OCA2: variants seen among roughly 807,000 people sequenced by gnomAD.
OCA2 encodes P protein.
OCA2 carries 77 observed loss-of-function variants against 100.2 expected under a neutral mutation model. The ratio of observed to expected loss-of-function variants is 0.77; its 90% CI spans 0.64 to 0.93. The LOEUF (loss-of-function observed/expected upper bound fraction) is 0.93, where lower values mean the gene tolerates loss of function less well. Ranked by LOEUF, OCA2 falls within the 40% of genes least tolerant of loss-of-function variation. The pLI is 0.00. For missense variants in OCA2, 1,062 were observed against 1,089.1 expected (o/e 0.98, Z 0.35); for synonymous variants, 432 against 439.2 (o/e 0.98, Z 0.21).
In OCA2 at chr15:28,015,199, C is replaced by T. The variant is rs1017288083; in HGVS notation, c.891-270G>A. ...AGTGAGTAGGGGCCTGCACAGAAGA[C>T]GCCAGCCATTGAACTGGCTCTTCCT... On this transcript the variant is annotated intron_variant, in intron 8 of 23. Transcript: ENST00000354638. Among the ~76,000 whole-genome samples the T allele has an allele frequency of 8.5e-5, 13 of 152,140 alleles. No homozygotes were observed. The South Asian group carries it at 1.2e-3, about 15-fold the overall frequency.
At chr15:27,759,986 T>A (rs1290114882) in intron 23 of OCA2, among the ~76,000 whole-genome samples, 2 of 152,066 alleles carry the variant, frequency 1.3e-5, no homozygotes, top group Non-Finnish European at 2.9e-5. Flanking sequence ...TTAAAAGAAT[T>A]AAAATTATAC....
At chr15:27,954,728 C>T (rs1296517042) in intron 17 of OCA2, among the ~76,000 whole-genome samples, 5 of 152,108 alleles carry the variant, frequency 3.3e-5, no homozygotes, top group African/African-American at 1.2e-4. Flanking sequence ...AAAACAAGCT[C>T]TGCCCCAGGA....
At chr15:28,026,397 A>G (rs1435011251) in intron 4 of OCA2, among the ~76,000 whole-genome samples, 1 of 152,206 alleles carries the variant, frequency 6.6e-6, no homozygotes, top group Non-Finnish European at 1.5e-5. Flanking sequence ...TTGTTGACCC[A>G]TGGCGCCAGA....
chr15:28,006,150 C>A (rs915873815), intron 9 of OCA2, among the ~76,000 whole-genome samples: 1 of 152,102 alleles, frequency 6.6e-6, no homozygotes, highest in African/African-American at 2.4e-5. Flanking sequence ...CAGGGCTGGC[C>A]CCTCCGCACA....
chr15:28,096,142 C>T (rs1428953340), intron 1 of OCA2, among the ~76,000 whole-genome samples: 2 of 150,440 alleles, frequency 1.3e-5, no homozygotes, highest in Admixed American at 6.6e-5. Context: ...GTGGTCGTGT[C>T]TCCGGGAGGT....
intron 2 of OCA2, among the ~76,000 whole-genome samples, chr15:28,051,279 T>C (rs6497254): frequency 0.44 from 67,468 of 152,164 alleles, 21,302 homozygotes; most frequent in East Asian, 0.89. Context: ...GACATTTCCC[T>C]TTATGGTTTT....
rs2040385566 is a variant in OCA2 at position 27,960,819 on chromosome 15, G to C, written c.1637-3084C>G. On this transcript the variant is annotated intron_variant, in intron 15 of 23. Coordinates refer to ENST00000354638, the MANE Select transcript of OCA2 (RefSeq NM_000275.3). ...CTTGGAAGACTAAGGTAGGAGAATT[G>C]CTTGAACCCAGGAGGTGGAGGTTGC... Among the ~76,000 whole-genome samples the C allele has an allele frequency of 3.3e-5, 5 of 150,982 alleles. No individual in the cohort carries two copies. In the South Asian group the frequency reaches 1.0e-3, roughly 32 times the overall value.
intron 2 of OCA2, among the ~76,000 whole-genome samples, chr15:28,058,988 G>T (rs899408515): frequency 3.3e-5 from 5 of 152,194 alleles, no homozygotes; most frequent in Non-Finnish European, 7.3e-5. Context: ...TGGATGAAGG[G>T]GCACATTCCC....
intron 23 of OCA2, among the ~76,000 whole-genome samples, chr15:27,836,672 C>T (rs968815510): frequency 2.6e-5 from 4 of 152,182 alleles, no homozygotes; most frequent in African/African-American, 9.7e-5. Context: ...GTCTGCCTGG[C>T]TACCCTTGAA....
At chr15:27,836,358 G>A (rs947348336) in intron 23 of OCA2, among the ~76,000 whole-genome samples, 6 of 152,124 alleles carry the variant, frequency 3.9e-5, no homozygotes, top group African/African-American at 1.4e-4. Flanking sequence ...GATGAGAGCT[G>A]CAAGAAAAAT....
At chr15:27,732,352 G>A in the OCA2 span, among the ~76,000 whole-genome samples, 11,319 of 152,156 alleles carry the variant, frequency 0.074, 911 homozygotes, top group African/African-American at 0.21. Context: ...TGGAGGGCCC[G>A]GAGACATGGA....
chr15:27,810,733 G>A (rs149977483), intron 23 of OCA2, among the ~76,000 whole-genome samples: 3,244 of 152,074 alleles, frequency 0.021, 44 homozygotes, highest in Non-Finnish European at 0.03. Flanking sequence ...AGAATTCTCC[G>A]AATAAGATAT....
At chr15:27,776,182 C>T (rs2151068302) in intron 23 of OCA2, among the ~76,000 whole-genome samples, 1 of 152,356 alleles carries the variant, frequency 6.6e-6, no homozygotes, top group East Asian at 1.9e-4. Flanking sequence ...TTCTCCCTGG[C>T]TTGCTGCGGT....
intron 23 of OCA2, among the ~76,000 whole-genome samples, chr15:27,828,463 A>G (rs1464190153): frequency 6.6e-6 from 1 of 152,160 alleles, no homozygotes; most frequent in African/African-American, 2.4e-5. Context: ...TGCACTCCTC[A>G]CTTTTATGTT....
intron 19 of OCA2, among the ~76,000 whole-genome samples, chr15:27,884,715 T>C (rs546212961): frequency 1.6e-3 from 246 of 152,252 alleles, no homozygotes; most frequent in Non-Finnish European, 2.5e-3. Context: ...TGAATCATTA[T>C]TGAAAAGCAC....
intron 2 of OCA2, among the ~76,000 whole-genome samples, chr15:28,064,259 C>T (rs541733309): frequency 1.3e-5 from 2 of 152,178 alleles, no homozygotes; most frequent in Admixed American, 1.3e-4. Context: ...TGCTATAAGT[C>T]TCTTTAAGTT....
At chr15:27,851,866 C>T (rs954026868) in intron 21 of OCA2, among the ~76,000 whole-genome samples, 2 of 152,182 alleles carry the variant, frequency 1.3e-5, no homozygotes, top group African/African-American at 2.4e-5. Flanking sequence ...TGTGCTGTTA[C>T]TCCTTCCTTT....
At chr15:27,904,297 C>T (rs866868827) in intron 19 of OCA2, among the ~76,000 whole-genome samples, 2 of 152,196 alleles carry the variant, frequency 1.3e-5, no homozygotes, top group Non-Finnish European at 2.9e-5. Context: ...CAGAAGTGAG[C>T]AGTGCTGTTG....
At chr15:28,087,679 C>T (rs960935364) in intron 1 of OCA2, among the ~76,000 whole-genome samples, 2 of 152,178 alleles carry the variant, frequency 1.3e-5, no homozygotes, top group African/African-American at 4.8e-5. Context: ...CCAGGAAAGT[C>T]GAGGCTTCAG....
Sources: allele counts gnomAD v4.1 joint callset (sites outside exome capture counted in the v4.1 genomes callset), GRCh38; gene constraint gnomAD v4.1.1; transcripts MANE v1.5; gene names NCBI Gene and HGNC (gene_info 2026-07-23, HGNC 2026-07-21).